Variants in ARAP3 observed in about 807,000 individuals in gnomAD.
The protein encoded by ARAP3 is ArfGAP with RhoGAP domain, ankyrin repeat and PH domain 3, also known as arf-GAP with Rho-GAP domain, ANK repeat and PH domain-containing protein 3.
In ARAP3, 82 loss-of-function variants were observed where a neutral mutation model predicts 169.2. The ratio of observed to expected loss-of-function variants is 0.48; its 90% CI spans 0.41 to 0.58. ARAP3 has a LOEUF of 0.58. Among genes scored for constraint, ARAP3 ranks in the 20% least tolerant of loss-of-function variants. The probability of loss-of-function intolerance (pLI) is 0.00; values close to 1 mark genes in which losing one functional copy is unlikely to be tolerated. For missense variants in ARAP3, 1,764 were observed against 2,018.0 expected, an observed-to-expected ratio of 0.87 and a Z score of 2.41; for synonymous variants, 791 against 800.3, an observed-to-expected ratio of 0.99 and a Z score of 0.20.
intron 16 of ARAP3, among the ~76,000 whole-genome samples, chr5:141,667,070 T>C (rs369228197): frequency 1.4e-4 from 21 of 152,050 alleles, no homozygotes; most frequent in African/African-American, 5.1e-4. Context: ...CCATCACACC[T>C]GGCTAATTTT....
chr5:141,660,336 C>T (rs906207874), intron 21 of ARAP3, among the ~76,000 whole-genome samples: 4 of 151,240 alleles, frequency 2.6e-5, no homozygotes, highest in Admixed American at 2.6e-4. Flanking sequence ...ACTAAAAATA[C>T]AAAAAAAATT....
At position 141,658,323 on chromosome 5, in the gene ARAP3, G is replaced by A. The variant is rs375964168; in HGVS notation, c.3526+42C>T. ...ACCTTGACCACACAACCACACACAC[G>A]CATATACACATGCATGAACACACAG... On this transcript the variant is annotated intron_variant, in intron 25 of 32. Coordinates refer to ENST00000239440, the MANE Select transcript of ARAP3 (RefSeq NM_022481.6). 5.2e-5 allele frequency: 82 copies of A among 1,590,238 alleles called. No individual in the cohort carries two copies. The Middle Eastern group carries it at 1.6e-3, about 30-fold the overall frequency.
intron 17 of ARAP3, among the ~76,000 whole-genome samples, chr5:141,666,039 C>CAAAA (rs764552450): frequency 1.7e-5 from 2 of 116,268 alleles, no homozygotes; most frequent in African/African-American, 6.1e-5. Context: ...ACTCTGTCTC[C>CAAAA]AAAAAAAAAA....
At position 141,679,628 on chromosome 5, in the gene ARAP3, G is replaced by C; in HGVS notation, c.615C>G (p.Tyr205Ter). The C allele has an allele frequency of 6.2e-7, 1 of 1,614,154 alleles. No individual in the cohort carries two copies. The highest frequency in any genetic ancestry group is 8.5e-7 in the Non-Finnish European group (1 of 1,180,020). ...GAGTCCCCACAGGTTGGACACCATAGTACAGGCAACCAGGATCCATGATGT... is the reference window on the plus strand; with the variant it reads ...GAGTCCCCACAGGTTGGACACCATACTACAGGCAACCAGGATCCATGATGT... ...TVHIMDPGCL[Y>*]YGVQPVGTPG... Residue 205 changes from tyrosine to a stop codon, truncating the protein, a stop_gained, in exon 4 of 33, where the codon TAC becomes TAG. Transcript: ENST00000239440. LOFTEE classifies it high-confidence loss of function.
chr5:141,656,214 C>G lies in ARAP3; in HGVS notation c.3852G>C (p.Lys1284Asn), dbSNP rs2099909256. ...CTCACGGTGTTGGGGGCTTTAACTT[C>G]TTGCGGATTCCCAGGTAGACCTTGG... is the stretch of plus-strand genomic sequence containing the variant. ...EGAKVYLGIR[K>N]KLKPPTPWGF... is the part of the protein sequence containing the mutation. Residue 1284 changes from lysine to asparagine, a missense_variant, in exon 28 of 33, where the codon AAG (lysine) becomes AAC (asparagine). By Grantham distance (94) the Lys-to-Asn change is moderately conservative. Coordinates refer to ENST00000239440, the MANE Select transcript of ARAP3 (RefSeq NM_022481.6). The G allele has an allele frequency of 6.2e-7, 1 of 1,614,158 alleles. No individual in the cohort carries two copies. The highest frequency in any genetic ancestry group is 8.5e-7 in the Non-Finnish European group (1 of 1,180,032).
At chr5:141,669,679 G>A in intron 16 of ARAP3, 30 bp downstream of exon 16, 1 of 1,598,612 alleles carries the variant, frequency 6.3e-7, no homozygotes. Context: ...GAAAGCATGA[G>A]ATGCTGCAGA....
intron 1 of ARAP3, chr5:141,680,882 T>A (rs576825682): frequency 7.7e-5 from 16 of 208,470 alleles, no homozygotes; most frequent in Middle Eastern, 1.8e-3. Context: ...TGGGTCAGAG[T>A]GGGATAGGGA....
intron 16 of ARAP3, among the ~76,000 whole-genome samples, chr5:141,666,911 C>T (rs7720942): frequency 0.15 from 22,056 of 151,968 alleles, 1,693 homozygotes; most frequent in East Asian, 0.25. Flanking sequence ...TGTGTGGCAG[C>T]CTCATGCCCT....
rs772788872 is a variant in ARAP3 at position 141,659,414 on chromosome 5, G to A, written c.3330C>T (p.Asp1110=). ...TAAGGTCAGGACGAGTTACCTGCAC[G>A]TCCTTCCAGGTGGTGATAAGACTGA... ...LEVSLITTWK[D]VQLSQAGDLI... Residue 1110 remains aspartate, a synonymous_variant, in exon 23 of 33, where the codon GAC becomes GAT. Transcript: ENST00000239440. 36 of 1,614,112 alleles carry A rather than the reference G, an allele frequency of 2.2e-5. No individual in the cohort carries two copies. Among genetic ancestry groups the A allele is most frequent in the East Asian group, 2.0e-4 (9 of 44,886 alleles).
rs768997623 is a variant in ARAP3, at chr5:141,680,451, C to A, written c.36G>T (p.Trp12Cys). The A allele has an allele frequency of 6.2e-7, 1 of 1,607,714 alleles. No individual in the cohort carries two copies. Among genetic ancestry groups the A allele is most frequent in the African/African-American group, 1.3e-5 (1 of 74,914 alleles). ...AAPQDLDIAVWLATVHLEQYA... is the reference protein window; with the variant it reads ...AAPQDLDIAVCLATVHLEQYA... ...ACTGCTCCAGGTGCACCGTGGCCAG[C>A]CACACAGCGATGTCCAGGTCCTGAG... Residue 12 changes from tryptophan (W) to cysteine (C), a missense_variant, in exon 2 of 33, where the codon TGG becomes TGT. Around this residue, in one of 3 missense-constraint regions of ARAP3, gnomAD observed 630 missense variants for 678.7 expected, o/e 0.93. Coordinates refer to ENST00000239440, the MANE Select transcript of ARAP3 (RefSeq NM_022481.6).
chr5:141,673,491 G>T (rs1337954363), intron 5 of ARAP3, 21 bp from the exon 6 acceptor site: 1 of 1,614,198 alleles, frequency 6.2e-7, no homozygotes, highest in Admixed American at 1.7e-5. Flanking sequence ...AAGGAGCCAA[G>T]ATCAGTGTTT....
At chr5:141,656,318 A>G (rs763056983) in intron 27 of ARAP3, 42 bp from the exon 28 acceptor site, 5 of 1,611,462 alleles carry the variant, frequency 3.1e-6, no homozygotes, top group South Asian at 1.1e-5. Context: ...GAGATGAGAG[A>G]TCATGGTTAA....
intron 25 of ARAP3, among the ~76,000 whole-genome samples, chr5:141,657,424 A>G (rs2099909404): frequency 6.6e-6 from 1 of 152,232 alleles, no homozygotes. Context: ...AAGGGACTGG[A>G]ATGATACTTT....
Position 141,665,013 on chromosome 5 carries a change from ACCAGCCGCGCCC to A in ARAP3, c.2697_2708del (p.Ala901_Gly904del). ...GCTCCTGCAGCCCTGTGCCGCCCCC[ACCAGCCGCGCCC>A]CCAATGGCTGCGTTCCATGCCGTGA... On this transcript the variant is annotated inframe_deletion, in exon 19 of 33. Transcript: ENST00000239440. The A allele has an allele frequency of 6.2e-7, 1 of 1,612,582 alleles. No homozygotes were observed. The highest frequency in any genetic ancestry group is 1.1e-5 in the South Asian group (1 of 90,988).
rs755418658 is a variant in ARAP3, at chr5:141,656,235, C to A, written c.3831G>T (p.Lys1277Asn). 6.2e-7 allele frequency: 1 copy of A among 1,614,102 alleles called. No homozygotes were observed. The highest frequency in any genetic ancestry group is 1.7e-5 in the Admixed American group (1 of 60,016). Residue 1277 changes from lysine (K) to asparagine (N), a missense_variant, in exon 28 of 33, where the codon AAG (lysine) becomes AAT (asparagine). This residue lies in a region of ARAP3 where 1,112 missense variants were observed against 1,285.7 expected (regional missense o/e 0.86). Transcript: ENST00000239440. Reference protein sequence around the residue: ...PEREWPLEGAKVYLGIRKKLK... With the variant: ...PEREWPLEGANVYLGIRKKLK... Reference sequence around the variant, plus strand: ...ACTTCTTGCGGATTCCCAGGTAGACCTTGGCACCTTCCAAAGGCCACTCCC... The same window carrying A: ...ACTTCTTGCGGATTCCCAGGTAGACATTGGCACCTTCCAAAGGCCACTCCC...
Position 141,672,205 on chromosome 5 carries a change from C to T in ARAP3, c.1482G>A (p.Lys494=). 1.2e-6 allele frequency: 2 copies of T among 1,614,218 alleles called. No individual in the cohort carries two copies. Among genetic ancestry groups the T allele is most frequent in the South Asian group, 2.2e-5 (2 of 91,086 alleles). ...GCCGGTTGGCCCGATTAGACCAGAT[C>T]TTCTCAGCCACCTCGTAGTCAGACA... is the stretch of plus-strand genomic sequence containing the variant. ...ETLSDYEVAE[K]IWSNRANRQC... Residue 494 remains lysine, a synonymous_variant, in exon 10 of 33, where the codon AAG becomes AAA. Coordinates refer to ENST00000239440, the MANE Select transcript of ARAP3 (RefSeq NM_022481.6). The surrounding 1 kb of genome is among the most constrained non-coding windows in gnomAD (Gnocchi z 4.9).
At position 141,670,013 on chromosome 5, in the gene ARAP3, A is replaced by T. The variant is rs759731544; in HGVS notation, c.2158T>A (p.Ser720Thr). 3.1e-6 allele frequency: 5 copies of T among 1,597,560 alleles called. No individual in the cohort carries two copies. In the East Asian group the frequency reaches 1.1e-4, roughly 36 times the overall value. ...VLGAALEMFASENSPEPLSLI... is the reference protein window; with the variant it reads ...VLGAALEMFATENSPEPLSLI... ...CTGAGGGGTTCAGGGCTGTTTTCCG[A>T]TGCAAACATTTCCAGAGCTGCTCCC... Residue 720 changes from serine (S) to threonine (T), a missense_variant, in exon 15 of 33, where the codon TCG becomes ACG. Transcript: ENST00000239440.
In ARAP3 at chr5:141,654,242, G is replaced by C. The variant is rs953854366; in HGVS notation, c.4343C>G (p.Pro1448Arg). 1 of 1,614,144 alleles carries C rather than the reference G, an allele frequency of 6.2e-7. No individual in the cohort carries two copies. Among genetic ancestry groups the C allele is most frequent in the Non-Finnish European group, 8.5e-7 (1 of 1,180,016 alleles). Residue 1448 changes from proline (P) to arginine (R), a missense_variant, in exon 33 of 33, where the codon CCC becomes CGC. Physicochemically the swap from Pro to Arg is moderately radical, Grantham distance 103 (BLOSUM62 -2). Coordinates refer to ENST00000239440, the MANE Select transcript of ARAP3 (RefSeq NM_022481.6). ...PLTSQKSLDQ[P>R]FLSKSSTLGQ... Reference sequence around the variant, plus strand: ...AAGGGTGCTTGACTTGGAGAGAAAGGGTTGATCCAATGACTTCTGGCTGGT... The same window carrying C: ...AAGGGTGCTTGACTTGGAGAGAAAGCGTTGATCCAATGACTTCTGGCTGGT...
chr5:141,657,333 GGATA>G (rs1489647846), intron 25 of ARAP3, among the ~76,000 whole-genome samples: 1 of 152,210 alleles, frequency 6.6e-6, no homozygotes, highest in Non-Finnish European at 1.5e-5. Flanking sequence ...ACAGCAAAGA[GGATA>G]GATACGAGAA....
Sources: gnomAD v4.1 joint callset for allele counts (sites outside exome capture counted in the v4.1 genomes callset) on GRCh38, gnomAD v4.1.1 for gene constraint, gnomAD v4.1.1 regional missense constraint, Gnocchi (gnomAD v3.1) non-coding constraint, MANE v1.5 for transcripts, NCBI Gene and HGNC (gene_info 2026-07-23, HGNC 2026-07-21) for gene names.